The following OAS2 variants were observed in gnomAD, a reference collection of about 807,000 sequenced individuals.
OAS2 encodes 2'-5'-oligoadenylate synthetase 2, also known as 2'-5'-oligoadenylate synthase 2.
In OAS2, 67 loss-of-function variants were observed where a neutral mutation model predicts 71.3. The observed-to-expected ratio is 0.94, with a 90% CI of 0.77 to 1.15. OAS2 has a LOEUF of 1.15. Among genes scored for constraint, OAS2 ranks in the 50% most tolerant of loss-of-function variants. The probability of loss-of-function intolerance (pLI) is 0.00; values close to 1 mark genes in which losing one functional copy is unlikely to be tolerated. For synonymous variants in OAS2, 327 were observed against 321.8 expected (o/e 1.02, Z -0.17); for missense variants, 789 against 822.5 (o/e 0.96, Z 0.50).
chr12:112,993,826 T>C (rs996292003), intron 2 of OAS2, among the ~76,000 whole-genome samples: 2 of 152,118 alleles, frequency 1.3e-5, no homozygotes, highest in African/African-American at 4.8e-5. Flanking sequence ...TGAGCTATGA[T>C]TGTGCCATTG....
intron 1 of OAS2, among the ~76,000 whole-genome samples, chr12:112,986,045 C>T (rs189296867): frequency 5.3e-4 from 80 of 152,302 alleles, no homozygotes; most frequent in Non-Finnish European, 6.8e-4. Flanking sequence ...TTGAGTGGAG[C>T]GCTTTGGCTT....
rs1565999415 is a variant in OAS2 at position 113,010,349 on chromosome 12, C to G, written c.*1094C>G. 6.2e-7 allele frequency: 1 copy of G among 1,604,834 alleles called. No individual in the cohort carries two copies. Among genetic ancestry groups the G allele is most frequent in the South Asian group, 1.1e-5 (1 of 88,926 alleles). On this transcript the variant is annotated 3_prime_UTR_variant, in exon 10 of 10. Transcript: ENST00000392583. ...ATTGTAACTATTAGGAGACATTGCTCTCCCACGTATGTTTTTCTTTTTAGA... is the reference window on the plus strand; with the variant it reads ...ATTGTAACTATTAGGAGACATTGCTGTCCCACGTATGTTTTTCTTTTTAGA...
At position 113,010,681 on chromosome 12, in the gene OAS2, G is replaced by T. The variant is rs920759236; in HGVS notation, c.*1426G>T. On this transcript the variant is annotated 3_prime_UTR_variant, in exon 10 of 10. Transcript: ENST00000392583. ...TGCAGGCAGCCTGCCTTTAAAAATA[G>T]TTGCTGTCATCCACTTTATGTGCAT... is the stretch of plus-strand genomic sequence containing the variant. 3.1e-6 allele frequency: 2 copies of T among 640,718 alleles called. No individual in the cohort carries two copies. The highest frequency in any genetic ancestry group is 8.1e-5 in the Admixed American group (2 of 24,836). The allele number at this position is 640,718 out of a possible 1,614,324, so 39.7% of individuals were successfully genotyped here.
In OAS2 at chr12:113,009,713, A is replaced by G; in HGVS notation, c.*458A>G. On this transcript the variant is annotated 3_prime_UTR_variant, in exon 10 of 10. Coordinates refer to ENST00000392583, the MANE Select transcript of OAS2 (RefSeq NM_002535.3). The stretch of plus-strand genomic sequence containing the variant: ...AGGTCAAGAACACAGTGATTTTATT[A>G]GAAGTTTCATCCGCAAATTTTCTTC... 1 of 987,268 alleles carries G rather than the reference A, an allele frequency of 1.0e-6. No homozygotes were observed. The highest frequency in any genetic ancestry group is 1.2e-6 in the Non-Finnish European group (1 of 831,322). The allele number at this position is 987,268 out of a possible 1,614,324, so 61.2% of individuals were successfully genotyped here.
chr12:113,002,507 T>A (rs1565996279), intron 5 of OAS2, among the ~76,000 whole-genome samples: 1 of 152,236 alleles, frequency 6.6e-6, no homozygotes, highest in Admixed American at 6.5e-5. Context: ...AAGAAAGGAA[T>A]GGATGTGGTC....
intron 1 of OAS2, among the ~76,000 whole-genome samples, chr12:112,981,232 T>C (rs2044079121): frequency 1.3e-5 from 2 of 152,212 alleles, no homozygotes; most frequent in African/African-American, 4.8e-5. Flanking sequence ...ATAGTCCCAA[T>C]TGTCTATTTT....
chr12:112,988,221 T>C (rs984893847), intron 2 of OAS2: 5 of 985,234 alleles, frequency 5.1e-6, no homozygotes, highest in Non-Finnish European at 6.0e-6. Flanking sequence ...TGGTCATCAA[T>C]ACCACTGTTA....
intron 2 of OAS2, among the ~76,000 whole-genome samples, chr12:112,993,714 A>G (rs931137827): frequency 3.3e-5 from 5 of 149,972 alleles, no homozygotes; most frequent in African/African-American, 1.2e-4. Context: ...TTTTTTCTCC[A>G]AAAAAAAAGC....
chr12:112,988,183 A>C (rs1341339270), intron 2 of OAS2: 1 of 985,340 alleles, frequency 1.0e-6, no homozygotes, highest in South Asian at 4.7e-5. Flanking sequence ...AGGCAGCATT[A>C]ATGAGCAGGT....
At position 112,978,589 on chromosome 12, in the gene OAS2, C is replaced by T; in HGVS notation, c.-20C>T. 1 of 1,613,276 alleles carries T rather than the reference C, an allele frequency of 6.2e-7. No homozygotes were observed. The highest frequency in any genetic ancestry group is 8.5e-7 in the Non-Finnish European group (1 of 1,179,558). ...TCCCATCCTACCATTCACTGTCTTGCCGGCAGCCAGCTGAGAGCAATGGGA... is the reference window on the plus strand; with the variant it reads ...TCCCATCCTACCATTCACTGTCTTGTCGGCAGCCAGCTGAGAGCAATGGGA... On this transcript the variant is annotated 5_prime_UTR_variant, in exon 1 of 10. Transcript: ENST00000392583. This position sits in a 1 kb window ranked among gnomAD's most constrained non-coding sequence, Gnocchi z 4.2.
intron 1 of OAS2, among the ~76,000 whole-genome samples, chr12:112,985,995 T>TA (rs1485519588): frequency 6.6e-6 from 1 of 152,138 alleles, no homozygotes; most frequent in African/African-American, 2.4e-5. Context: ...AAAAATAAAA[T>TA]AAAAAAGATG....
chr12:112,990,569 G>A lies in OAS2; in HGVS notation c.448+3261G>A, dbSNP rs2044182100. Among the ~76,000 whole-genome samples, 3 of 152,324 alleles carry A rather than the reference G, an allele frequency of 2.0e-5. No homozygotes were observed. The South Asian group carries it at 6.2e-4, about 32-fold the overall frequency. ...CAGACGATTAGTTAAAATCTCTCCT[G>A]AATCAGGAAAAGATCTGGAAGGGGA... On this transcript the variant is annotated intron_variant, in intron 2 of 9. Transcript: ENST00000392583.
At chr12:112,986,893 G>A (rs1565990373) in intron 1 of OAS2, 145 bp from the exon 2 acceptor site, 1 of 1,072,364 alleles carries the variant, frequency 9.3e-7, no homozygotes, top group East Asian at 2.4e-5. Context: ...ATCCCAATCA[G>A]GTCTTTGTGG....
At chr12:112,997,897 G>T in intron 4 of OAS2, 142 bp downstream of exon 4, 1 of 686,974 alleles carries the variant, frequency 1.5e-6, no homozygotes, top group Non-Finnish European at 2.4e-6. Context: ...GGAGGCAGAT[G>T]GGTCTGTCTG....
In OAS2 at chr12:113,007,687, G is replaced by A. The variant is rs1327304020; in HGVS notation, c.1657-18G>A. The stretch of plus-strand genomic sequence containing the variant: ...TCCTAGGCTAACCAGTTCGTCTGAT[G>A]TTCCCACTCTTACCTAGTGTGAAAG... On this transcript the variant is annotated intron_variant, in intron 8 of 9. Coordinates refer to ENST00000392583, the MANE Select transcript of OAS2 (RefSeq NM_002535.3). 5 of 1,603,426 alleles carry A rather than the reference G, an allele frequency of 3.1e-6. No individual in the cohort carries two copies. Among genetic ancestry groups the A allele is most frequent in the Non-Finnish European group, 4.3e-6 (5 of 1,170,862 alleles).
At chr12:112,987,564 T>C in intron 2 of OAS2, 2 of 1,344,274 alleles carry the variant, frequency 1.5e-6, no homozygotes, top group South Asian at 2.3e-5. Flanking sequence ...TTTTAAGCCA[T>C]ACTGTACACA....
At chr12:112,987,517 A>G in intron 2 of OAS2, 1 of 1,418,310 alleles carries the variant, frequency 7.1e-7, no homozygotes, top group South Asian at 1.7e-5. Context: ...TTGTCTTTGG[A>G]GAAAATGTTC....
intron 2 of OAS2, chr12:112,987,743 C>T: frequency 9.9e-7 from 1 of 1,007,628 alleles, no homozygotes; most frequent in Non-Finnish European, 1.2e-6. Context: ...ATGAGGCAGA[C>T]ATCTGGGAAA....
intron 2 of OAS2, among the ~76,000 whole-genome samples, chr12:112,989,674 G>A (rs1304134988): frequency 6.6e-6 from 1 of 152,196 alleles, no homozygotes; most frequent in Admixed American, 6.5e-5. Context: ...TATCAGACAA[G>A]AGCCTGTTCT....
Sources: allele counts gnomAD v4.1 joint callset (sites outside exome capture counted in the v4.1 genomes callset), GRCh38; gene constraint gnomAD v4.1.1; non-coding constraint Gnocchi (gnomAD v3.1); transcripts MANE v1.5; gene names NCBI Gene and HGNC (gene_info 2026-07-23, HGNC 2026-07-21).